CNTN5: variants seen among roughly 807,000 people sequenced by gnomAD.
CNTN5 encodes contactin 5, also known as contactin-5.
CNTN5 carries 77 observed loss-of-function variants against 129.1 expected under a neutral mutation model. The observed-to-expected ratio is 0.60, with a 90% CI of 0.50 to 0.72. CNTN5 has a LOEUF of 0.72. Ranked by LOEUF, CNTN5 falls within the 30% of genes least tolerant of loss-of-function variation. The pLI is 0.00. For missense variants in CNTN5, 1,478 were observed against 1,328.8 expected (o/e 1.11, Z -1.75); for synonymous variants, 509 against 465.6 (o/e 1.09, Z -1.20).
At chr11:99,515,210 T>C (rs1346162398) in intron 2 of CNTN5, among the ~76,000 whole-genome samples, 1 of 152,052 alleles carries the variant, frequency 6.6e-6, no homozygotes, top group Non-Finnish European at 1.5e-5. Context: ...GAAGAGAGAT[T>C]AACACTGCTG....
intron 6 of CNTN5, among the ~76,000 whole-genome samples, chr11:99,871,127 T>C (rs1018768557): frequency 1.2e-4 from 18 of 152,076 alleles, no homozygotes; most frequent in Non-Finnish European, 1.3e-4. Context: ...TTACATGTTA[T>C]TACTATTGTT....
intron 3 of CNTN5, among the ~76,000 whole-genome samples, chr11:99,783,879 G>T (rs1008991743): frequency 3.3e-5 from 5 of 151,618 alleles, no homozygotes; most frequent in Non-Finnish European, 4.4e-5. Context: ...TAGATGACGA[G>T]TTAGTGGGTG....
At chr11:99,850,692 T>A (rs1947845910) in intron 6 of CNTN5, among the ~76,000 whole-genome samples, 1 of 151,926 alleles carries the variant, frequency 6.6e-6, no homozygotes, top group South Asian at 2.1e-4. Context: ...TAGGAAAAAA[T>A]GTACCTTATA....
chr11:99,835,412 G>A (rs1210911242), intron 4 of CNTN5, among the ~76,000 whole-genome samples: 3 of 152,132 alleles, frequency 2.0e-5, no homozygotes, highest in African/African-American at 7.2e-5. Context: ...CAGGGCAGGA[G>A]GTGCCCAACT....
chr11:100,139,023 A>G (rs1172145222), intron 13 of CNTN5, among the ~76,000 whole-genome samples: 1 of 152,118 alleles, frequency 6.6e-6, no homozygotes, highest in Non-Finnish European at 1.5e-5. Flanking sequence ...AGAATTTTTG[A>G]CCTGAGGAAT....
intron 6 of CNTN5, among the ~76,000 whole-genome samples, chr11:99,873,941 C>G (rs1948569606): frequency 1.3e-5 from 2 of 152,028 alleles, no homozygotes; most frequent in African/African-American, 4.8e-5. Flanking sequence ...GGCCATTATC[C>G]TAAGTGAACT....
intron 4 of CNTN5, among the ~76,000 whole-genome samples, chr11:99,825,917 A>G (rs1184266874): frequency 1.3e-5 from 2 of 152,160 alleles, no homozygotes; most frequent in African/African-American, 4.8e-5. Context: ...GAAATGTTAT[A>G]ATTTCAGAGA....
chr11:99,424,359 C>G (rs1288592647), intron 2 of CNTN5, among the ~76,000 whole-genome samples: 1 of 152,210 alleles, frequency 6.6e-6, no homozygotes, highest in Non-Finnish European at 1.5e-5. Context: ...GCTTTCCCAG[C>G]TGGAAACCTC....
intron 2 of CNTN5, among the ~76,000 whole-genome samples, chr11:99,474,783 T>C (rs1945306915): frequency 6.6e-6 from 1 of 152,160 alleles, no homozygotes; most frequent in Non-Finnish European, 1.5e-5. Context: ...GTTTCCACAT[T>C]TGGTTTTCAC....
intron 1 of CNTN5, among the ~76,000 whole-genome samples, chr11:99,148,224 T>G (rs1470724089): frequency 6.6e-6 from 1 of 152,152 alleles, no homozygotes; most frequent in Non-Finnish European, 1.5e-5. Context: ...ATAAGTGACT[T>G]TATTATAAAC....
intron 1 of CNTN5, among the ~76,000 whole-genome samples, chr11:99,190,636 T>A (rs897743027): frequency 6.6e-6 from 1 of 151,628 alleles, no homozygotes; most frequent in Non-Finnish European, 1.5e-5. Flanking sequence ...AGTATTTGAT[T>A]TTTTTGGTTA....
At chr11:99,752,647 G>A (rs573940628) in intron 3 of CNTN5, among the ~76,000 whole-genome samples, 2 of 152,176 alleles carry the variant, frequency 1.3e-5, no homozygotes, top group Admixed American at 6.5e-5. Context: ...TAAGGTTTGA[G>A]TTTATTATTT....
intron 2 of CNTN5, among the ~76,000 whole-genome samples, chr11:99,411,552 T>TA (rs1187364125): frequency 1.3e-5 from 2 of 151,926 alleles, no homozygotes; most frequent in East Asian, 1.9e-4. Flanking sequence ...AAAATTTTTT[T>TA]AAAAAAATTA....
chr11:99,526,954 A>G (rs966617191), intron 2 of CNTN5, among the ~76,000 whole-genome samples: 1 of 141,822 alleles, frequency 7.1e-6, no homozygotes, highest in African/African-American at 2.5e-5. Flanking sequence ...GTTTGATTGA[A>G]CAAACAGGTT....
At chr11:100,314,049 C>A (rs944058937) in intron 21 of CNTN5, among the ~76,000 whole-genome samples, 1 of 152,020 alleles carries the variant, frequency 6.6e-6, no homozygotes, top group African/African-American at 2.4e-5. Context: ...ATTTAGTAAC[C>A]TTAATAATGC....
chr11:99,678,687 T>A (rs1485640578), intron 3 of CNTN5, among the ~76,000 whole-genome samples: 2 of 152,008 alleles, frequency 1.3e-5, no homozygotes. Flanking sequence ...GTGAAAAGTT[T>A]AGAGTATAGA....
Position 99,844,972 on chromosome 11 carries a change from A to T in CNTN5, c.398A>T (p.Tyr133Phe). 1 of 1,613,234 alleles carries T rather than the reference A, an allele frequency of 6.2e-7. No individual in the cohort carries two copies. Among genetic ancestry groups the T allele is most frequent in the Non-Finnish European group, 8.5e-7 (1 of 1,179,654 alleles). The change falls in exon 5 of 25, where the codon TAC becomes TTC. Residue 133 changes from tyrosine (Y) to phenylalanine (F), a missense_variant. Tyr to Phe is a conservative substitution (Grantham distance 22). Coordinates refer to ENST00000524871, the MANE Select transcript of CNTN5 (RefSeq NM_014361.4). The part of the protein sequence containing the change: ...CEVRGNPVPS[Y>F]RWLRNGTEID... The stretch of plus-strand genomic sequence containing the variant: ...GTTCGTGGCAATCCAGTTCCCAGTT[A>T]CAGGTAGGAATTCACTGTTAATCAT...
intron 3 of CNTN5, among the ~76,000 whole-genome samples, chr11:99,690,954 C>G (rs993361609): frequency 7.2e-5 from 11 of 151,870 alleles, no homozygotes; most frequent in Admixed American, 6.6e-5. Flanking sequence ...TTGGTCTACT[C>G]AGGGATTTAG....
chr11:99,478,344 A>C (rs1458701035), intron 2 of CNTN5, among the ~76,000 whole-genome samples: 1 of 152,100 alleles, frequency 6.6e-6, no homozygotes, highest in Non-Finnish European at 1.5e-5. Context: ...CTGGGGGCCC[A>C]CCCTCAGTTT....
Sources: gnomAD v4.1 joint callset for allele counts (sites outside exome capture counted in the v4.1 genomes callset) on GRCh38, gnomAD v4.1.1 for gene constraint, MANE v1.5 for transcripts, NCBI Gene and HGNC (gene_info 2026-07-23, HGNC 2026-07-21) for gene names.